The following GRID2 variants were observed in gnomAD, a reference collection of about 807,000 sequenced individuals.
GRID2 encodes glutamate ionotropic receptor delta type subunit 2.
Under a neutral mutation model 114.8 loss-of-function variants are expected in GRID2, and 33 were observed. That is an observed-to-expected ratio of 0.29 (90% CI 0.22 to 0.38). The LOEUF (loss-of-function observed/expected upper bound fraction) is 0.38, where lower values mean the gene tolerates loss of function less well. GRID2 is among the 10% of genes least tolerant of loss of function. GRID2 has a pLI of 1.00. For missense variants in GRID2, 1,184 were observed against 1,257.7 expected, an observed-to-expected ratio of 0.94 and a Z score of 0.89; for synonymous variants, 505 against 449.9, an observed-to-expected ratio of 1.12 and a Z score of -1.55.
At chr4:92,391,899 C>T (rs1579287273) in intron 1 of GRID2, among the ~76,000 whole-genome samples, 1 of 152,162 alleles carries the variant, frequency 6.6e-6, no homozygotes, top group East Asian at 1.9e-4. Context: ...AAAAGACTCC[C>T]ACACTGGTGT....
intron 2 of GRID2, among the ~76,000 whole-genome samples, chr4:92,983,174 A>T (rs117130804): frequency 0.014 from 2,206 of 152,224 alleles, 22 homozygotes; most frequent in East Asian, 0.053. Flanking sequence ...AACAATATTG[A>T]TATATAACAG....
At chr4:93,241,747 C>T (rs1747535450) in intron 8 of GRID2, among the ~76,000 whole-genome samples, 1 of 149,042 alleles carries the variant, frequency 6.7e-6, no homozygotes, top group Admixed American at 6.7e-5. Context: ...TCATTAATAA[C>T]TGAAATTTCA....
chr4:92,523,540 G>A (rs192648583), intron 1 of GRID2, among the ~76,000 whole-genome samples: 2 of 152,138 alleles, frequency 1.3e-5, no homozygotes, highest in East Asian at 1.9e-4. Flanking sequence ...AGAGACATGT[G>A]AAAGAAATTA....
intron 1 of GRID2, among the ~76,000 whole-genome samples, chr4:92,335,358 G>C (rs976790600): frequency 6.6e-6 from 1 of 152,152 alleles, no homozygotes; most frequent in Non-Finnish European, 1.5e-5. Context: ...AAAGATCTTG[G>C]TATTCTTTTC....
intron 13 of GRID2, among the ~76,000 whole-genome samples, chr4:93,621,878 G>C (rs537144195): frequency 1.3e-5 from 2 of 152,228 alleles, no homozygotes; most frequent in South Asian, 4.1e-4. Flanking sequence ...AGTATTGCAA[G>C]AGACAGCATA....
intron 2 of GRID2, among the ~76,000 whole-genome samples, chr4:92,929,742 C>A (rs189584066): frequency 1.4e-5 from 2 of 148,054 alleles, no homozygotes; most frequent in African/African-American, 5.0e-5. Context: ...AAAATCTCTC[C>A]TTTGCCATAT....
intron 12 of GRID2, among the ~76,000 whole-genome samples, chr4:93,513,532 T>C (rs192452852): frequency 6.6e-6 from 1 of 152,202 alleles, no homozygotes; most frequent in African/African-American, 2.4e-5. Flanking sequence ...ATTATTCATT[T>C]ACATTATAGC....
At chr4:92,560,058 G>A (rs1278762762) in intron 1 of GRID2, among the ~76,000 whole-genome samples, 4 of 152,128 alleles carry the variant, frequency 2.6e-5, no homozygotes, top group African/African-American at 9.7e-5. Context: ...ACTAAATAAT[G>A]AGATAGTTGA....
At chr4:93,694,909 C>T (rs1481965100) in intron 14 of GRID2, among the ~76,000 whole-genome samples, 1 of 151,602 alleles carries the variant, frequency 6.6e-6, no homozygotes, top group Non-Finnish European at 1.5e-5. Flanking sequence ...CGGTGGCTCA[C>T]GCTTGTAATC....
At chr4:92,747,000 A>C (rs1737179768) in intron 2 of GRID2, among the ~76,000 whole-genome samples, 1 of 152,124 alleles carries the variant, frequency 6.6e-6, no homozygotes, top group Non-Finnish European at 1.5e-5. Context: ...TTAAGAATTT[A>C]CTAAACATAT....
intron 8 of GRID2, among the ~76,000 whole-genome samples, chr4:93,328,824 G>A (rs1380190637): frequency 1.3e-5 from 2 of 152,018 alleles, no homozygotes; most frequent in African/African-American, 2.4e-5. Flanking sequence ...GATATATACA[G>A]GATTACAGAT....
rs35906944 is a variant in GRID2, at chr4:93,124,106, T to TAAA, written c.735+13161_735+13163dup. On this transcript the variant is annotated intron_variant, in intron 4 of 15. Transcript: ENST00000282020. ...ATGTACCCTAAAACTTAAAGTATAA[T>TAAA]AAAAAAAAAAGAAAAAAAAAAAAGA... is the stretch of plus-strand genomic sequence containing the variant. Among the ~76,000 whole-genome samples, 206 of 131,170 alleles carry TAAA rather than the reference T, an allele frequency of 1.6e-3. 2 individuals carry two copies. Among genetic ancestry groups the TAAA allele is most frequent in the African/African-American group, 5.4e-3 (195 of 36,396 alleles). The allele number at this position is 131,170 out of a possible 152,430, so 86.1% of individuals were successfully genotyped here. A position where few individuals can be genotyped will look rare whatever the true frequency, so the allele number is the denominator to read the frequency against.
intron 2 of GRID2, among the ~76,000 whole-genome samples, chr4:92,700,315 G>C (rs531409049): frequency 6.6e-6 from 1 of 152,084 alleles, no homozygotes; most frequent in Non-Finnish European, 1.5e-5. Flanking sequence ...CTAGGTCATA[G>C]GTTGAGAAAC....
At chr4:93,232,506 A>G (rs1165400556) in intron 7 of GRID2, among the ~76,000 whole-genome samples, 4 of 151,060 alleles carry the variant, frequency 2.6e-5, no homozygotes, top group Non-Finnish European at 5.9e-5. Flanking sequence ...ACATATATCA[A>G]TATGATATCT....
At chr4:92,992,055 T>C (rs573982815) in intron 2 of GRID2, among the ~76,000 whole-genome samples, 2 of 152,330 alleles carry the variant, frequency 1.3e-5, no homozygotes, top group African/African-American at 4.8e-5. Flanking sequence ...TCAGTGGGGA[T>C]ACCCAGTAAC....
At chr4:93,771,905 TC>T (rs1247935714) in intron 15 of GRID2, among the ~76,000 whole-genome samples, 170 bp from the exon 16 acceptor site, 1 of 152,092 alleles carries the variant, frequency 6.6e-6, no homozygotes, top group Non-Finnish European at 1.5e-5. Context: ...AGAATTGGAA[TC>T]CCCCAGAACT....
rs11726506 is a variant in GRID2, at chr4:93,626,206, C to G, written c.2194-63C>G. 131,297 of 807,210 alleles carry G rather than the reference C, an allele frequency of 0.16. 11,821 individuals carry two copies. Among genetic ancestry groups the G allele is most frequent in the Non-Finnish European group, 0.19 (93,620 of 480,454 alleles). 50.0% of individuals were successfully genotyped at this position (807,210 alleles called of 1,614,324 possible). On this transcript the variant is annotated intron_variant, in intron 13 of 15. Transcript: ENST00000282020. ...ACCAATGTAATGTTTTTCATCCTGT[C>G]TATGTAAATTAAAATTCCAACTTTA...
chr4:93,672,401 G>A (rs563425350), intron 14 of GRID2, among the ~76,000 whole-genome samples: 1 of 152,338 alleles, frequency 6.6e-6, no homozygotes, highest in Admixed American at 6.5e-5. Flanking sequence ...GAACCCCCAT[G>A]GGCAGAAAAG....
At chr4:92,624,427 G>C (rs1231718160) in intron 2 of GRID2, among the ~76,000 whole-genome samples, 1 of 151,802 alleles carries the variant, frequency 6.6e-6, no homozygotes, top group Non-Finnish European at 1.5e-5. Context: ...ATAAGATTCT[G>C]TTTTGATCAC....
Sources: allele counts gnomAD v4.1 joint callset (sites outside exome capture counted in the v4.1 genomes callset), GRCh38; gene constraint gnomAD v4.1.1; transcripts MANE v1.5; gene names NCBI Gene and HGNC (gene_info 2026-07-23, HGNC 2026-07-21).